GRIA2: variants seen among roughly 807,000 people sequenced by gnomAD.
The protein encoded by GRIA2 is glutamate receptor 2.
A neutral mutation model predicts 97.3 loss-of-function variants in GRIA2; 14 were observed. That is an observed-to-expected ratio of 0.14 (90% CI 0.10 to 0.23). The LOEUF is 0.23. Among genes scored for constraint, GRIA2 ranks in the 10% least tolerant of loss-of-function variants. GRIA2 has a pLI of 1.00. For missense variants in GRIA2, 558 were observed against 1,069.8 expected (o/e 0.52, Z 6.67); for synonymous variants, 412 against 387.8 (o/e 1.06, Z -0.73).
intron 2 of GRIA2, among the ~76,000 whole-genome samples, chr4:157,292,183 C>A (rs540251444): frequency 2.2e-4 from 34 of 151,992 alleles, no homozygotes; most frequent in African/African-American, 7.7e-4. Flanking sequence ...ACACTGACAG[C>A]AATAGTTATT....
intron 9 of GRIA2, chr4:157,334,979 G>A (rs1325143843): frequency 6.6e-6 from 1 of 152,250 alleles, no homozygotes; most frequent in African/African-American, 2.4e-5. Context: ...CTATCTCACT[G>A]AGACCCCAAA....
intron 2 of GRIA2, among the ~76,000 whole-genome samples, chr4:157,241,066 T>C (rs1211969564): frequency 6.6e-6 from 1 of 152,158 alleles, no homozygotes; most frequent in Admixed American, 6.6e-5. Flanking sequence ...TGCATAGTAT[T>C]CCAAGGTGTA....
At chr4:157,295,653 C>T (rs753874026) in intron 2 of GRIA2, among the ~76,000 whole-genome samples, 1 of 151,846 alleles carries the variant, frequency 6.6e-6, no homozygotes, top group Non-Finnish European at 1.5e-5. Flanking sequence ...AAGAATTTGC[C>T]CCAGTGGAAA....
chr4:157,362,972 G>A lies in GRIA2; in HGVS notation c.2580G>A (p.Ser860=), dbSNP rs776856144. The A allele has an allele frequency of 1.6e-5, 26 of 1,613,280 alleles. 1 individual carries two copies. The highest frequency in any genetic ancestry group is 6.6e-5 in the South Asian group (6 of 91,066). ...KNAQNINPSS[S]QNSQNFATYK... The stretch of plus-strand genomic sequence containing the variant: ...CACAGAATATTAACCCATCTTCCTC[G>A]CAGAATTCACAGAATTTTGCAACTT... The change falls in exon 15 of 16, where the codon TCG becomes TCA. Residue 860 remains serine (S), a synonymous_variant. Coordinates refer to ENST00000264426, the MANE Select transcript of GRIA2 (RefSeq NM_001083619.3).
At chr4:157,336,276 T>A in intron 10 of GRIA2, 101 bp from the exon 11 acceptor site, 1 of 974,528 alleles carries the variant, frequency 1.0e-6, no homozygotes, top group South Asian at 1.7e-5. Flanking sequence ...TATTGTCATT[T>A]TTCTGATTTC....
intron 3 of GRIA2, among the ~76,000 whole-genome samples, chr4:157,311,445 G>T (rs1734076362): frequency 6.6e-6 from 1 of 151,910 alleles, no homozygotes; most frequent in African/African-American, 2.4e-5. Context: ...GTCATAAGAT[G>T]TTTTAGACTC....
rs115239970 is a variant in GRIA2, at chr4:157,238,453, T to C, written c.229+16646T>C. ...GTATAATTTAAAGCAATATCTTTTGTTTAATCTGCAAGACTCTACTCATCT... is the reference window on the plus strand; with the variant it reads ...GTATAATTTAAAGCAATATCTTTTGCTTAATCTGCAAGACTCTACTCATCT... On this transcript the variant is annotated intron_variant, in intron 2 of 15. Coordinates refer to ENST00000264426, the MANE Select transcript of GRIA2 (RefSeq NM_001083619.3). Among the ~76,000 whole-genome samples, 124 of 152,272 alleles carry C rather than the reference T, an allele frequency of 8.1e-4. 1 individual carries two copies. The highest frequency in any genetic ancestry group is 3.0e-3 in the African/African-American group (123 of 41,570).
At chr4:157,248,139 C>A (rs1055856982) in intron 2 of GRIA2, among the ~76,000 whole-genome samples, 1 of 150,628 alleles carries the variant, frequency 6.6e-6, no homozygotes. Flanking sequence ...GATATCCAGT[C>A]GATAGTCTAT....
At chr4:157,338,202 T>C (rs562344539) in intron 11 of GRIA2, among the ~76,000 whole-genome samples, 1 of 151,764 alleles carries the variant, frequency 6.6e-6, no homozygotes, top group East Asian at 2.0e-4. Context: ...TCGGAGAACA[T>C]TCTGACCCAT....
intron 10 of GRIA2, 60 bp downstream of exon 10, chr4:157,335,937 C>T (rs1388511113): frequency 5.8e-6 from 6 of 1,038,504 alleles, no homozygotes; most frequent in Non-Finnish European, 7.4e-6. Context: ...TGACAGACTG[C>T]TTCCTCTCCC....
chr4:157,314,072 C>A (rs1734206227), intron 4 of GRIA2, among the ~76,000 whole-genome samples: 1 of 152,116 alleles, frequency 6.6e-6, no homozygotes, highest in African/African-American at 2.4e-5. Context: ...GTTGGTCTTG[C>A]TGCCTCAGAG....
At chr4:157,290,324 ATT>A (rs372419519) in intron 2 of GRIA2, among the ~76,000 whole-genome samples, 1 of 152,014 alleles carries the variant, frequency 6.6e-6, no homozygotes, top group African/African-American at 2.4e-5. Flanking sequence ...ATATGGTTAC[ATT>A]TGGTCCAATG....
intron 2 of GRIA2, among the ~76,000 whole-genome samples, chr4:157,260,031 G>T (rs1731457191): frequency 6.6e-6 from 1 of 152,064 alleles, no homozygotes; most frequent in Admixed American, 6.6e-5. Context: ...TCATAACAGA[G>T]TTCATTGTCC....
chr4:157,360,863 G>A lies in GRIA2; in HGVS notation c.2292-147G>A, dbSNP rs1736601377. The A allele has an allele frequency of 1.0e-5, 7 of 688,632 alleles. No homozygotes were observed. In the East Asian group the frequency reaches 1.9e-4, roughly 19 times the overall value. 42.7% of individuals were successfully genotyped at this position (688,632 alleles called of 1,614,324 possible). A position where few individuals can be genotyped will look rare whatever the true frequency, so the allele number is the denominator to read the frequency against. On this transcript the variant is annotated intron_variant, in intron 13 of 15. Transcript: ENST00000264426. Reference sequence around the variant, plus strand: ...AGTTTCAGATTTTTAGTAGCTCATAGTAACATATTATTGTGGCCTTTTTCC... The same window carrying A: ...AGTTTCAGATTTTTAGTAGCTCATAATAACATATTATTGTGGCCTTTTTCC...
intron 6 of GRIA2, among the ~76,000 whole-genome samples, chr4:157,328,388 G>C (rs891345050): frequency 6.6e-6 from 1 of 151,974 alleles, no homozygotes; most frequent in African/African-American, 2.4e-5. Flanking sequence ...CTGTCTCTTA[G>C]AGATTGTAGT....
At chr4:157,302,176 C>CAA (rs1209652829) in intron 2 of GRIA2, among the ~76,000 whole-genome samples, 35 of 66,998 alleles carry the variant, frequency 5.2e-4, no homozygotes, top group South Asian at 1.6e-3. Flanking sequence ...GACTGTGTCT[C>CAA]AAAAAAAAAA....
At chr4:157,355,753 CATATATTAGTTATATATATTT>C (rs1736251905) in intron 12 of GRIA2, among the ~76,000 whole-genome samples, 1 of 45,360 alleles carries the variant, frequency 2.2e-5, no homozygotes, top group Non-Finnish European at 3.9e-5. Context: ...TATATATTTA[CATATATTAGTTATATATATTT>C]ATATATTTAT....
chr4:157,280,940 T>G (rs1054065537), intron 2 of GRIA2, among the ~76,000 whole-genome samples: 1 of 152,020 alleles, frequency 6.6e-6, no homozygotes, highest in South Asian at 2.1e-4. Flanking sequence ...ACTCCATCCC[T>G]GCTGCCAACA....
At chr4:157,323,505 G>A (rs1299590636) in intron 6 of GRIA2, among the ~76,000 whole-genome samples, 2 of 151,984 alleles carry the variant, frequency 1.3e-5, no homozygotes, top group Non-Finnish European at 2.9e-5. Flanking sequence ...ATCCCATTCT[G>A]TGGAATTGCA....
Sources: allele counts gnomAD v4.1 joint callset (sites outside exome capture counted in the v4.1 genomes callset), GRCh38; gene constraint gnomAD v4.1.1; transcripts MANE v1.5; gene names NCBI Gene and HGNC (gene_info 2026-07-23, HGNC 2026-07-21).